MAGI1: variants seen among roughly 807,000 people sequenced by gnomAD.
The protein encoded by MAGI1 is membrane-associated guanylate kinase, WW and PDZ domain-containing protein 1.
MAGI1 carries 58 observed loss-of-function variants against 139.9 expected under a neutral mutation model. That is an observed-to-expected ratio of 0.41 (90% CI 0.34 to 0.52). The LOEUF (loss-of-function observed/expected upper bound fraction) is 0.52, where lower values mean the gene tolerates loss of function less well. Among genes scored for constraint, MAGI1 ranks in the 20% least tolerant of loss-of-function variants. The pLI, the probability that MAGI1 is intolerant of heterozygous loss-of-function variation, is 0.12. For missense variants in MAGI1, 1,874 were observed against 1,901.6 expected, an observed-to-expected ratio of 0.99 and a Z score of 0.27; for synonymous variants, 812 against 737.9, an observed-to-expected ratio of 1.10 and a Z score of -1.63.
At chr3:65,707,315 T>C (rs1011866318) in intron 1 of MAGI1, among the ~76,000 whole-genome samples, 1 of 152,208 alleles carries the variant, frequency 6.6e-6, no homozygotes. Flanking sequence ...AATCAAACCA[T>C]GCAATTGAGA....
In MAGI1 at chr3:65,941,552, GACA is replaced by G. The variant is rs557077380; in HGVS notation, c.313+96441_313+96443del. Among the ~76,000 whole-genome samples the G allele has an allele frequency of 3.3e-5, 5 of 152,080 alleles. No homozygotes were observed. The East Asian group carries it at 9.7e-4, about 30-fold the overall frequency. The stretch of plus-strand genomic sequence containing the variant: ...GATGCAGTAGCACTCTCCCAGTTTT[GACA>G]ACCAAAAATAAGTCTAGATTGTGAA... On this transcript the variant is annotated intron_variant, in intron 1 of 22. Coordinates refer to ENST00000402939, the MANE Select transcript of MAGI1 (RefSeq NM_001033057.2).
intron 1 of MAGI1, among the ~76,000 whole-genome samples, chr3:65,943,074 G>A (rs368718392): frequency 6.6e-6 from 1 of 152,126 alleles, no homozygotes; most frequent in Non-Finnish European, 1.5e-5. Context: ...ATAGCAAGTG[G>A]TATATAAGTG....
chr3:65,664,961 C>A (rs1254855759), intron 1 of MAGI1, among the ~76,000 whole-genome samples: 1 of 152,136 alleles, frequency 6.6e-6, no homozygotes, highest in Non-Finnish European at 1.5e-5. Context: ...TTCCAAGCAA[C>A]AACTGCCCTA....
chr3:65,730,198 A>C (rs956602403), intron 1 of MAGI1, among the ~76,000 whole-genome samples: 5 of 148,252 alleles, frequency 3.4e-5, no homozygotes, highest in Non-Finnish European at 6.1e-5. Flanking sequence ...AAATAAGAGA[A>C]TCTTTGCATT....
chr3:65,654,247 C>T (rs1290829510), intron 1 of MAGI1, among the ~76,000 whole-genome samples: 1 of 152,166 alleles, frequency 6.6e-6, no homozygotes, highest in Non-Finnish European at 1.5e-5. Context: ...GCCCAGATAA[C>T]AGCCCCAGAA....
At chr3:65,858,402 T>C (rs2059438527) in intron 1 of MAGI1, among the ~76,000 whole-genome samples, 1 of 152,182 alleles carries the variant, frequency 6.6e-6, no homozygotes, top group African/African-American at 2.4e-5. Context: ...AGACAACACA[T>C]CAATGGGTCT....
rs183168871 is a variant in MAGI1 at position 65,580,791 on chromosome 3, T to A, written c.430+41181A>T. Among the ~76,000 whole-genome samples the A allele has an allele frequency of 1.2e-4, 19 of 152,328 alleles. No homozygotes were observed. The East Asian group carries it at 3.5e-3, about 28-fold the overall frequency. ...AATCACAGATTTTTTTGTCAGTTGT[T>A]TCTCTTACAGTGTGCACACCGGTTT... is the stretch of plus-strand genomic sequence containing the variant. On this transcript the variant is annotated intron_variant, in intron 2 of 22. Transcript: ENST00000402939.
intron 2 of MAGI1, chr3:65,532,611 C>G (rs2078764676): frequency 1.3e-5 from 2 of 152,160 alleles, no homozygotes; most frequent in South Asian, 4.1e-4. Context: ...AAAACAGCAG[C>G]CCAAGCTTGG....
At chr3:65,479,230 A>C (rs1222277616) in intron 3 of MAGI1, among the ~76,000 whole-genome samples, 1 of 152,192 alleles carries the variant, frequency 6.6e-6, no homozygotes, top group Non-Finnish European at 1.5e-5. Flanking sequence ...CTTTCCCTTA[A>C]TAAGGGGACT....
At chr3:65,577,050 G>A (rs1325519757) in intron 2 of MAGI1, among the ~76,000 whole-genome samples, 1 of 152,120 alleles carries the variant, frequency 6.6e-6, no homozygotes, top group Non-Finnish European at 1.5e-5. Context: ...CATTAAGTTC[G>A]ATCCACATAC....
chr3:65,379,589 T>C (rs1338928395), intron 16 of MAGI1, 35 bp from the exon 17 acceptor site: 1 of 1,576,736 alleles, frequency 6.3e-7, no homozygotes, highest in East Asian at 2.3e-5. Context: ...CATCACCGTG[T>C]CCTGCAGCCC....
intron 1 of MAGI1, among the ~76,000 whole-genome samples, chr3:65,857,821 G>A (rs1159586057): frequency 6.6e-6 from 1 of 152,098 alleles, no homozygotes; most frequent in Admixed American, 6.5e-5. Flanking sequence ...CGTTTCGTGG[G>A]GACACAGTGA....
Position 65,950,671 on chromosome 3 carries a change from C to A in MAGI1, c.313+87325G>T, listed in dbSNP as rs376624631. The stretch of plus-strand genomic sequence containing the variant: ...TCATCTTTCCAAGAATTTGTAAATC[C>A]CTCTTCAACTGGTTGGAACGGAAAT... On this transcript the variant is annotated intron_variant, in intron 1 of 22. Transcript: ENST00000402939. Among the ~76,000 whole-genome samples, 183 of 152,100 alleles carry A rather than the reference C, an allele frequency of 1.2e-3. 2 individuals are homozygous for A. The highest frequency in any genetic ancestry group is 4.0e-3 in the African/African-American group (165 of 41,494).
At chr3:65,692,121 AT>A (rs934178705) in intron 1 of MAGI1, among the ~76,000 whole-genome samples, 2 of 152,214 alleles carry the variant, frequency 1.3e-5, no homozygotes, top group African/African-American at 4.8e-5. Flanking sequence ...TAAAAAAAAA[AT>A]GTGATCTGGA....
In MAGI1 at chr3:65,854,766, G is replaced by A. The variant is rs1302956509; in HGVS notation, c.313+183230C>T. ...GGCTCATCTGGTAGCACCATGACTC[G>A]CAGTTCCTGCAAACCTCCCAGGGTG... On this transcript the variant is annotated intron_variant, in intron 1 of 22. Coordinates refer to ENST00000402939, the MANE Select transcript of MAGI1 (RefSeq NM_001033057.2). Among the ~76,000 whole-genome samples, 4 of 152,324 alleles carry A rather than the reference G, an allele frequency of 2.6e-5. No individual in the cohort carries two copies. In the East Asian group the frequency reaches 5.8e-4, roughly 22 times the overall value.
intron 2 of MAGI1, among the ~76,000 whole-genome samples, chr3:65,618,752 T>C (rs974790646): frequency 2.6e-5 from 4 of 152,168 alleles, no homozygotes; most frequent in Admixed American, 6.5e-5. Context: ...ACTCACCTTA[T>C]AGGATTGCTA....
intron 1 of MAGI1, among the ~76,000 whole-genome samples, chr3:65,878,149 A>T (rs1020203764): frequency 1.3e-5 from 2 of 152,010 alleles, no homozygotes; most frequent in African/African-American, 2.4e-5. Flanking sequence ...CACGGACATC[A>T]CAAAACCACA....
At chr3:65,537,974 A>G (rs965201050) in intron 2 of MAGI1, among the ~76,000 whole-genome samples, 18 of 152,094 alleles carry the variant, frequency 1.2e-4, no homozygotes, top group Middle Eastern at 6.8e-3. Context: ...AAAAATTAAT[A>G]AAAAAATAAA....
chr3:65,670,352 A>ATG (rs10682267), intron 1 of MAGI1, among the ~76,000 whole-genome samples: 1 of 151,664 alleles, frequency 6.6e-6, no homozygotes, highest in Non-Finnish European at 1.5e-5. Context: ...ATGTGTGTAT[A>ATG]TATATATATA....
Sources: allele counts gnomAD v4.1 joint callset (sites outside exome capture counted in the v4.1 genomes callset), GRCh38; gene constraint gnomAD v4.1.1; transcripts MANE v1.5; gene names NCBI Gene and HGNC (gene_info 2026-07-23, HGNC 2026-07-21).